The following SPINK8 variants were observed in gnomAD, a reference collection of about 807,000 sequenced individuals.
SPINK8 encodes the protein serine protease inhibitor Kazal-type 8.
A neutral mutation model predicts 14.4 loss-of-function variants in SPINK8; 12 were observed. The ratio of observed to expected loss-of-function variants is 0.83; its 90% CI spans 0.53 to 1.35. The LOEUF is 1.35. Ranked by LOEUF, SPINK8 falls within the 40% of genes most tolerant of loss-of-function variation. The pLI is 0.00. For missense variants in SPINK8, 103 were observed against 117.0 expected, an observed-to-expected ratio of 0.88 and a Z score of 0.55; for synonymous variants, 32 against 37.6, an observed-to-expected ratio of 0.85 and a Z score of 0.55.
chr3:48,326,334 G>A (rs993192845), intron 4 of SPINK8, among the ~76,000 whole-genome samples: 32 of 152,140 alleles, frequency 2.1e-4, no homozygotes, highest in African/African-American at 6.0e-4. Flanking sequence ...CTGGCCGGGC[G>A]CGGTGGCTCA....
rs2036068839 is a variant in SPINK8 at position 48,321,138 on chromosome 3, A to T, written c.68-64T>A. ...GTCTTCTGCCCTCAGCGAAAAAGGTAAGATGAGGGGAACCCTAGTTGGCAC... is the reference window on the plus strand; with the variant it reads ...GTCTTCTGCCCTCAGCGAAAAAGGTTAGATGAGGGGAACCCTAGTTGGCAC... On this transcript the variant is annotated intron_variant, in intron 4 of 7. Coordinates refer to ENST00000434006, the MANE Select transcript of SPINK8 (RefSeq NM_001080525.3). The T allele has an allele frequency of 3.3e-6, 5 of 1,500,696 alleles. No individual in the cohort carries two copies. The South Asian group carries it at 6.2e-5, about 19-fold the overall frequency. The allele number at this position is 1,500,696 out of a possible 1,614,324, so 93.0% of individuals were successfully genotyped here.
intron 7 of SPINK8, 47 bp downstream of exon 7, chr3:48,309,857 T>C: frequency 7.0e-7 from 1 of 1,437,028 alleles, no homozygotes; most frequent in African/African-American, 1.5e-5. Flanking sequence ...GCTCTTAACT[T>C]ATCTAGTTTA....
intron 4 of SPINK8, among the ~76,000 whole-genome samples, chr3:48,325,649 A>G (rs2036129766): frequency 6.7e-6 from 1 of 148,950 alleles, no homozygotes; most frequent in African/African-American, 2.5e-5. Context: ...CTGGAGTGCA[A>G]TGGTGCGAAC....
intron 6 of SPINK8, among the ~76,000 whole-genome samples, chr3:48,319,032 T>C (rs900260531): frequency 2.6e-5 from 4 of 152,230 alleles, no homozygotes; most frequent in Non-Finnish European, 2.9e-5. Context: ...CTAAACCACA[T>C]ACTAAGTTGA....
In SPINK8 at chr3:48,322,018, G is replaced by A. The variant is rs367696092; in HGVS notation, c.68-944C>T. Among the ~76,000 whole-genome samples, 11 of 152,090 alleles carry A rather than the reference G, an allele frequency of 7.2e-5. No individual in the cohort carries two copies. In the East Asian group the frequency reaches 7.8e-4, roughly 11 times the overall value. ...TTTGGTGGAGCTGAGGTCTCACTACGTTGTACAGGCTGGTCTGGAATTCCT... is the reference window on the plus strand; with the variant it reads ...TTTGGTGGAGCTGAGGTCTCACTACATTGTACAGGCTGGTCTGGAATTCCT... On this transcript the variant is annotated intron_variant, in intron 4 of 7. Coordinates refer to ENST00000434006, the MANE Select transcript of SPINK8 (RefSeq NM_001080525.3).
intron 6 of SPINK8, among the ~76,000 whole-genome samples, chr3:48,318,509 A>G (rs980821144): frequency 2.0e-5 from 3 of 152,236 alleles, no homozygotes; most frequent in African/African-American, 7.2e-5. Flanking sequence ...TCCTGGTTCC[A>G]GCATCGTTTG....
intron 2 of SPINK8, among the ~76,000 whole-genome samples, chr3:48,331,307 G>A (rs891005875): frequency 1.3e-5 from 2 of 152,144 alleles, no homozygotes; most frequent in African/African-American, 4.8e-5. Context: ...CGGCACGGAG[G>A]GGATTACCCT....
At chr3:48,322,675 T>A (rs145064205) in intron 4 of SPINK8, among the ~76,000 whole-genome samples, 4 of 152,338 alleles carry the variant, frequency 2.6e-5, no homozygotes, top group African/African-American at 9.6e-5. Flanking sequence ...TCTGGACATT[T>A]CATATAAATG....
At chr3:48,321,933 C>T (rs896048927) in intron 4 of SPINK8, among the ~76,000 whole-genome samples, 5 of 151,408 alleles carry the variant, frequency 3.3e-5, no homozygotes, top group African/African-American at 7.3e-5. Context: ...CTACCTCAGC[C>T]TCCCAAGTGG....
chr3:48,320,762 C>T (rs2036062427), intron 5 of SPINK8, among the ~76,000 whole-genome samples: 1 of 152,136 alleles, frequency 6.6e-6, no homozygotes, highest in African/African-American at 2.4e-5. Context: ...TGTGCCACGA[C>T]ATCCTCATCC....
At chr3:48,323,728 G>C (rs4541431) in intron 4 of SPINK8, among the ~76,000 whole-genome samples, 32,805 of 152,138 alleles carry the variant, frequency 0.22, 4,356 homozygotes, top group South Asian at 0.3. Flanking sequence ...TGTCTTCAGA[G>C]CTTGTTAAAA....
At chr3:48,309,787 A>G (rs1361457611) in intron 7 of SPINK8, 117 bp downstream of exon 7, 1 of 1,309,090 alleles carries the variant, frequency 7.6e-7, no homozygotes, top group Non-Finnish European at 9.8e-7. Flanking sequence ...TATTGGCTCT[A>G]CTTTTATGTA....
intron 4 of SPINK8, among the ~76,000 whole-genome samples, chr3:48,327,005 C>T (rs1313631071): frequency 6.6e-6 from 1 of 152,108 alleles, no homozygotes; most frequent in Non-Finnish European, 1.5e-5. Context: ...GACACATAAC[C>T]CATGTCTAGC....
intron 6 of SPINK8, among the ~76,000 whole-genome samples, chr3:48,315,209 A>T (rs1204313608): frequency 1.3e-5 from 2 of 152,230 alleles, no homozygotes; most frequent in Non-Finnish European, 2.9e-5. Flanking sequence ...ACAACAAATA[A>T]CAGCAACAAA....
chr3:48,309,987 T>C (rs1042819029), intron 6 of SPINK8, 41 bp from the exon 7 acceptor site: 5 of 1,371,358 alleles, frequency 3.6e-6, no homozygotes, highest in Non-Finnish European at 3.8e-6. Context: ...TGCTGTATGG[T>C]ATATCATAAA....
chr3:48,322,756 C>T (rs760539602), intron 4 of SPINK8, among the ~76,000 whole-genome samples: 7 of 152,036 alleles, frequency 4.6e-5, no homozygotes, highest in Non-Finnish European at 1.0e-4. Context: ...TAGCTTGTAT[C>T]AGTACTTCAT....
At chr3:48,328,967 T>G (rs543701369) in intron 3 of SPINK8, among the ~76,000 whole-genome samples, 186 bp downstream of exon 3, 1 of 152,348 alleles carries the variant, frequency 6.6e-6, no homozygotes, top group East Asian at 1.9e-4. Context: ...TTATTGAAAT[T>G]ATTATAGTAC....
chr3:48,325,591 ATT>A (rs34299222), intron 4 of SPINK8, among the ~76,000 whole-genome samples: 93 of 131,978 alleles, frequency 7.0e-4, no homozygotes, highest in East Asian at 1.1e-3. Flanking sequence ...TGCCTGGCTA[ATT>A]TTTTTTTTTT....
At chr3:48,317,237 C>T (rs956448274) in intron 6 of SPINK8, among the ~76,000 whole-genome samples, 1 of 152,078 alleles carries the variant, frequency 6.6e-6, no homozygotes, top group Non-Finnish European at 1.5e-5. Flanking sequence ...GCCTGTAATC[C>T]CAGCACTTTG....
Sources: allele counts gnomAD v4.1 joint callset (sites outside exome capture counted in the v4.1 genomes callset), GRCh38; gene constraint gnomAD v4.1.1; transcripts MANE v1.5; gene names NCBI Gene and HGNC (gene_info 2026-07-23, HGNC 2026-07-21).